The following CPQ variants were observed in gnomAD, a reference collection of about 807,000 sequenced individuals.
CPQ encodes the protein carboxypeptidase Q, also known as Ser-Met dipeptidase.
Under a neutral mutation model 45.7 loss-of-function variants are expected in CPQ, and 37 were observed. The ratio of observed to expected loss-of-function variants is 0.81; its 90% CI spans 0.62 to 1.07. CPQ has a LOEUF of 1.07. Ranked by LOEUF, CPQ falls within the 50% of genes least tolerant of loss-of-function variation. The pLI, the probability that CPQ is intolerant of heterozygous loss-of-function variation, is 0.00. For synonymous variants in CPQ, 186 were observed against 205.8 expected, an observed-to-expected ratio of 0.90 and a Z score of 0.82; for missense variants, 537 against 572.9, an observed-to-expected ratio of 0.94 and a Z score of 0.64.
rs571900120 is a variant in CPQ at position 97,115,621 on chromosome 8, A to G, written c.1256-27399A>G. Among the ~76,000 whole-genome samples the G allele has an allele frequency of 7.2e-5, 11 of 152,318 alleles. No homozygotes were observed. In the South Asian group the frequency reaches 2.3e-3, roughly 32 times the overall value. ...GTACCTGACTTAGCCTTCATTTGGC[A>G]TTCGGTGAAGGAGAAATTGATTTCC... is the stretch of plus-strand genomic sequence containing the variant. On this transcript the variant is annotated intron_variant, in intron 7 of 7. Transcript: ENST00000220763.
chr8:96,762,369 A>G (rs889148586), intron 1 of CPQ, among the ~76,000 whole-genome samples: 4 of 152,198 alleles, frequency 2.6e-5, no homozygotes, highest in African/African-American at 9.6e-5. Flanking sequence ...TCCTGTGTGA[A>G]TGTAAATAAT....
At chr8:96,647,308 A>G (rs1322553447) in intron 1 of CPQ, among the ~76,000 whole-genome samples, 5 of 152,192 alleles carry the variant, frequency 3.3e-5, no homozygotes. Context: ...AAAAGGGCCA[A>G]CTTTCTCACA....
chr8:96,672,725 C>T (rs1332340781), intron 1 of CPQ, among the ~76,000 whole-genome samples: 1 of 151,964 alleles, frequency 6.6e-6, no homozygotes, highest in Non-Finnish European at 1.5e-5. Context: ...CTGCAGTGAG[C>T]TGAGCTTGCA....
intron 3 of CPQ, among the ~76,000 whole-genome samples, chr8:96,837,765 T>C (rs1407858163): frequency 6.6e-6 from 1 of 152,172 alleles, no homozygotes; most frequent in Admixed American, 6.5e-5. Context: ...GCTATTTCAG[T>C]TTCAATTTTT....
chr8:96,928,577 A>G (rs1812923586), intron 4 of CPQ, among the ~76,000 whole-genome samples: 1 of 152,046 alleles, frequency 6.6e-6, no homozygotes, highest in South Asian at 2.1e-4. Flanking sequence ...TGGCATGCTA[A>G]GCAGGCAAAC....
rs1812200145 is a variant in CPQ, at chr8:96,880,016, G to A, written c.849+11G>A. On this transcript the variant is annotated intron_variant, in intron 4 of 7. Coordinates refer to ENST00000220763, the MANE Select transcript of CPQ (RefSeq NM_016134.4). ...AAATATCCAGAACAGGTGAGTGAAG[G>A]AGAAGGCTGGCCTAAGAATACAGTT... The A allele has an allele frequency of 6.2e-7, 1 of 1,608,024 alleles. No homozygotes were observed. Among genetic ancestry groups the A allele is most frequent in the African/African-American group, 1.3e-5 (1 of 74,792 alleles).
intron 6 of CPQ, among the ~76,000 whole-genome samples, chr8:97,051,548 A>G (rs1330192070): frequency 1.3e-5 from 2 of 152,196 alleles, no homozygotes; most frequent in African/African-American, 4.8e-5. Flanking sequence ...TGTTGCTTAC[A>G]TTCATAAGTA....
chr8:96,993,220 G>A (rs1209953755), intron 5 of CPQ, among the ~76,000 whole-genome samples: 2 of 152,184 alleles, frequency 1.3e-5, no homozygotes, highest in Admixed American at 1.3e-4. Context: ...AAGATATTGT[G>A]TTGCCTGAAT....
chr8:96,788,439 C>A (rs1453514504), intron 2 of CPQ, among the ~76,000 whole-genome samples: 1 of 152,060 alleles, frequency 6.6e-6, no homozygotes, highest in African/African-American at 2.4e-5. Context: ...GGATTACAGG[C>A]TTGAGCCACC....
chr8:97,122,433 A>C (rs932900133), intron 7 of CPQ, among the ~76,000 whole-genome samples: 3 of 152,208 alleles, frequency 2.0e-5, no homozygotes, highest in African/African-American at 7.2e-5. Context: ...ATCAGCAAAA[A>C]TATTCCTCAA....
At chr8:96,885,544 A>G (rs184416781) in intron 4 of CPQ, among the ~76,000 whole-genome samples, 2 of 152,326 alleles carry the variant, frequency 1.3e-5, no homozygotes, top group African/African-American at 4.8e-5. Flanking sequence ...GTTAGCATGT[A>G]AATAATCCTT....
At chr8:96,736,889 A>T (rs780890391) in intron 1 of CPQ, among the ~76,000 whole-genome samples, 1 of 152,062 alleles carries the variant, frequency 6.6e-6, no homozygotes, top group Non-Finnish European at 1.5e-5. Context: ...GAATATGTCT[A>T]TTTCACCTAA....
chr8:97,066,758 A>G (rs1475558895), intron 7 of CPQ, among the ~76,000 whole-genome samples: 5 of 151,958 alleles, frequency 3.3e-5, no homozygotes, highest in African/African-American at 4.8e-5. Context: ...CCTGTGCAAG[A>G]GGTTGAGCAT....
intron 1 of CPQ, among the ~76,000 whole-genome samples, chr8:96,782,186 T>A (rs1204428864): frequency 6.6e-6 from 1 of 152,194 alleles, no homozygotes; most frequent in Non-Finnish European, 1.5e-5. Flanking sequence ...CTGCAGCAGA[T>A]TTCTACCTGG....
chr8:97,140,582 A>G (rs759362405), intron 7 of CPQ, among the ~76,000 whole-genome samples: 1 of 152,056 alleles, frequency 6.6e-6, no homozygotes, highest in Non-Finnish European at 1.5e-5. Flanking sequence ...ATATAAACAC[A>G]CCATTTTCAT....
intron 4 of CPQ, among the ~76,000 whole-genome samples, 175 bp downstream of exon 4, chr8:96,880,180 T>G: frequency 6.6e-6 from 1 of 152,142 alleles, no homozygotes; most frequent in South Asian, 2.1e-4. Flanking sequence ...GTTTACCATC[T>G]CACACCAGTC....
intron 4 of CPQ, among the ~76,000 whole-genome samples, chr8:96,923,727 T>C (rs1812838556): frequency 6.6e-6 from 1 of 152,044 alleles, no homozygotes; most frequent in Admixed American, 6.5e-5. Context: ...GCAGACCCTA[T>C]AATAAGGAAT....
At chr8:96,768,231 T>C (rs755153369) in intron 1 of CPQ, among the ~76,000 whole-genome samples, 4 of 152,202 alleles carry the variant, frequency 2.6e-5, no homozygotes, top group Non-Finnish European at 4.4e-5. Context: ...CATTGACTGA[T>C]TAAGCACTTT....
chr8:96,698,775 G>A (rs1297506549), intron 1 of CPQ, among the ~76,000 whole-genome samples: 1 of 152,078 alleles, frequency 6.6e-6, no homozygotes, highest in East Asian at 1.9e-4. Flanking sequence ...AAAAACTACA[G>A]TGAGATATCA....
Sources: allele counts gnomAD v4.1 joint callset (sites outside exome capture counted in the v4.1 genomes callset), GRCh38; gene constraint gnomAD v4.1.1; transcripts MANE v1.5; gene names NCBI Gene and HGNC (gene_info 2026-07-23, HGNC 2026-07-21).